The following RNF114 variants were observed in gnomAD, a reference collection of about 807,000 sequenced individuals.
RNF114 encodes the protein E3 ubiquitin-protein ligase RNF114.
In RNF114, 6 loss-of-function variants were observed where a neutral mutation model predicts 28.4. That is an observed-to-expected ratio of 0.21 (90% CI 0.12 to 0.42). The LOEUF (loss-of-function observed/expected upper bound fraction) is 0.42, where lower values mean the gene tolerates loss of function less well. Among genes scored for constraint, RNF114 ranks in the 10% least tolerant of loss-of-function variants. The pLI, the probability that RNF114 is intolerant of heterozygous loss-of-function variation, is 1.00. For synonymous variants in RNF114, 115 were observed against 116.7 expected (o/e 0.99, Z 0.09); for missense variants, 249 against 311.7 (o/e 0.80, Z 1.51).
chr20:49,946,869 A>G (rs1372047051), intron 4 of RNF114, among the ~76,000 whole-genome samples: 1 of 152,014 alleles, frequency 6.6e-6, no homozygotes, highest in African/African-American at 2.4e-5. Context: ...AGGCTTATCA[A>G]TCCTTGGACA....
intron 4 of RNF114, among the ~76,000 whole-genome samples, chr20:49,948,230 T>G (rs188641917): frequency 6.6e-6 from 1 of 152,202 alleles, no homozygotes; most frequent in African/African-American, 2.4e-5. Flanking sequence ...CCATTCCAGA[T>G]TTCTCTCTTG....
chr20:49,945,432 G>A lies in RNF114; in HGVS notation c.342G>A (p.Gln114=), dbSNP rs1290824082. The change falls in exon 3 of 6, where the codon CAG becomes CAA. Residue 114 remains glutamine, a synonymous_variant. Coordinates refer to ENST00000244061, the MANE Select transcript of RNF114 (RefSeq NM_018683.4). ...ACGTGGCTACTTGTTCCAAATACCA[G>A]AATTACATCATGGAAGGTGTGAAGG... The part of the protein sequence containing the change: ...RSHVATCSKY[Q]NYIMEGVKAT... The A allele has an allele frequency of 1.2e-6, 2 of 1,613,624 alleles. No homozygotes were observed. Among genetic ancestry groups the A allele is most frequent in the Non-Finnish European group, 1.7e-6 (2 of 1,179,688 alleles).
In RNF114 at chr20:49,938,885, C is replaced by T. The variant is rs75029596; in HGVS notation, c.140+2333C>T. ...TTATACTCACTGGACCCTCTGTGCTCTCTTGGGTTCCTCTTGTCATCTGCC... is the reference window on the plus strand; with the variant it reads ...TTATACTCACTGGACCCTCTGTGCTTTCTTGGGTTCCTCTTGTCATCTGCC... On this transcript the variant is annotated intron_variant, in intron 1 of 5. Transcript: ENST00000244061. Among the ~76,000 whole-genome samples, 629 of 152,354 alleles carry T rather than the reference C, an allele frequency of 4.1e-3. 5 individuals are homozygous for T. Among genetic ancestry groups the T allele is most frequent in the African/African-American group, 0.015 (610 of 41,592 alleles).
At chr20:49,946,095 T>C in intron 3 of RNF114, 41 bp from the exon 4 acceptor site, 1 of 1,116,786 alleles carries the variant, frequency 9.0e-7, no homozygotes, top group Non-Finnish European at 1.3e-6. Context: ...GGAAAGGTAC[T>C]CACAGAAAAG....
Position 49,945,504 on chromosome 20 carries a change from T to G in RNF114, c.398+16T>G. ...TTCAGCCAAGGTAAATGACTCAGTC[T>G]CCCCTTAGGTGGAGGTCATCTCTTG... On this transcript the variant is annotated intron_variant, in intron 3 of 5. Transcript: ENST00000244061. The G allele has an allele frequency of 6.8e-7, 1 of 1,465,878 alleles. No homozygotes were observed. Among genetic ancestry groups the G allele is most frequent in the Non-Finnish European group, 9.6e-7 (1 of 1,045,104 alleles). 90.8% of individuals were successfully genotyped at this position (1,465,878 alleles called of 1,614,324 possible).
chr20:49,937,874 A>G (rs1382001126), intron 1 of RNF114, among the ~76,000 whole-genome samples: 1 of 152,152 alleles, frequency 6.6e-6, no homozygotes, highest in Non-Finnish European at 1.5e-5. Flanking sequence ...CCCTGAACTG[A>G]CTGGAATGGC....
chr20:49,952,362 T>C lies in RNF114; in HGVS notation c.*221T>C, dbSNP rs1026440690. On this transcript the variant is annotated 3_prime_UTR_variant, in exon 6 of 6. Coordinates refer to ENST00000244061, the MANE Select transcript of RNF114 (RefSeq NM_018683.4). Reference sequence around the variant, plus strand: ...GTCTTCCCCTACTGTTAACCTTGTTTGTCACACGGTCGAGTTCGTATTGGT... The same window carrying C: ...GTCTTCCCCTACTGTTAACCTTGTTCGTCACACGGTCGAGTTCGTATTGGT... The C allele has an allele frequency of 5.6e-5, 31 of 558,362 alleles. No individual in the cohort carries two copies. In the Admixed American group the frequency reaches 8.9e-4, roughly 16 times the overall value. The allele number at this position is 558,362 out of a possible 1,614,324, so 34.6% of individuals were successfully genotyped here. A position where few individuals can be genotyped will look rare whatever the true frequency, so the allele number is the denominator to read the frequency against.
intron 2 of RNF114, among the ~76,000 whole-genome samples, chr20:49,942,340 A>G (rs2090311045): frequency 6.6e-6 from 1 of 152,216 alleles, no homozygotes; most frequent in South Asian, 2.1e-4. Context: ...GTATAATCAG[A>G]GTCAAGTATA....
chr20:49,947,784 T>TTTG (rs2090339314), intron 4 of RNF114, among the ~76,000 whole-genome samples: 5 of 84,662 alleles, frequency 5.9e-5, no homozygotes, highest in African/African-American at 1.9e-4. Flanking sequence ...TTTTTTTTTT[T>TTTG]TTTTTTTTTT....
At chr20:49,951,465 CG>C (rs1352924823) in intron 5 of RNF114, among the ~76,000 whole-genome samples, 1 of 152,136 alleles carries the variant, frequency 6.6e-6, no homozygotes, top group Non-Finnish European at 1.5e-5. Context: ...AGTGCATCTG[CG>C]TGCTCTGTTC....
At chr20:49,936,825 C>T (rs2090289114) in intron 1 of RNF114, among the ~76,000 whole-genome samples, 3 of 151,914 alleles carry the variant, frequency 2.0e-5, no homozygotes, top group Admixed American at 6.6e-5. Flanking sequence ...TGTCAGTCTC[C>T]TTCCCACACG....
At chr20:49,951,839 A>G (rs556290492) in intron 5 of RNF114, among the ~76,000 whole-genome samples, 9 of 152,354 alleles carry the variant, frequency 5.9e-5, no homozygotes, top group Non-Finnish European at 8.8e-5. Flanking sequence ...AGACTGTGCC[A>G]CTGCACTCCA....
rs776148672 is a variant in RNF114 at position 49,949,326 on chromosome 20, C to T, written c.592C>T (p.Arg198Trp). ...CAACTTCAGAGAGCACATCCAGCGC[C>T]GGCACCGGTTTTCTTATGACACTTT... ...SANFREHIQR[R>W]HRFSYDTFVD... Residue 198 changes from arginine (R) to tryptophan (W), a missense_variant, in exon 5 of 6, where the codon CGG (arginine) becomes TGG (tryptophan). Coordinates refer to ENST00000244061, the MANE Select transcript of RNF114 (RefSeq NM_018683.4). 20 of 1,613,924 alleles carry T rather than the reference C, an allele frequency of 1.2e-5. No individual in the cohort carries two copies. The highest frequency in any genetic ancestry group is 1.4e-5 in the Non-Finnish European group (17 of 1,180,028).
chr20:49,941,443 G>A, intron 1 of RNF114, 118 bp from the exon 2 acceptor site: 1 of 1,133,756 alleles, frequency 8.8e-7, no homozygotes. Flanking sequence ...TGAACTGGGA[G>A]GAGAGAGCAA....
intron 5 of RNF114, among the ~76,000 whole-genome samples, chr20:49,949,780 G>T (rs1159425539): frequency 6.6e-6 from 1 of 152,112 alleles, no homozygotes; most frequent in Non-Finnish European, 1.5e-5. Flanking sequence ...GAGTAGCTGG[G>T]ACTACAGGCG....
chr20:49,946,342 G>A, intron 4 of RNF114, 92 bp downstream of exon 4: 1 of 640,842 alleles, frequency 1.6e-6, no homozygotes, highest in South Asian at 2.0e-5. Context: ...GAACTCCTGT[G>A]TGCCCTTCAC....
intron 4 of RNF114, among the ~76,000 whole-genome samples, chr20:49,948,300 G>A (rs563602544): frequency 6.6e-6 from 1 of 152,186 alleles, no homozygotes; most frequent in East Asian, 1.9e-4. Flanking sequence ...CTTTAAGTGG[G>A]GGCACTTAGG....
chr20:49,949,027 GGT>G lies in RNF114; in HGVS notation c.514-220_514-219del, dbSNP rs368375321. The stretch of plus-strand genomic sequence containing the variant: ...CTTACAGTAGGGAATGAGAAAGGGT[GGT>G]ATCATGATTTGAACTTTACCCAGTC... On this transcript the variant is annotated intron_variant, in intron 4 of 5. Transcript: ENST00000244061. Among the ~76,000 whole-genome samples the G allele has an allele frequency of 4.3e-3, 651 of 152,280 alleles. 7 individuals carry two copies. Among genetic ancestry groups the G allele is most frequent in the African/African-American group, 0.015 (624 of 41,564 alleles).
chr20:49,937,060 C>T (rs2090290036), intron 1 of RNF114, among the ~76,000 whole-genome samples: 1 of 152,124 alleles, frequency 6.6e-6, no homozygotes, highest in Non-Finnish European at 1.5e-5. Flanking sequence ...TTGCCCTTAG[C>T]TGTGAAAGGG....
Sources: allele counts gnomAD v4.1 joint callset (sites outside exome capture counted in the v4.1 genomes callset), GRCh38; gene constraint gnomAD v4.1.1; transcripts MANE v1.5; gene names NCBI Gene and HGNC (gene_info 2026-07-23, HGNC 2026-07-21).